Variants in TASOR observed in about 807,000 individuals in gnomAD.
TASOR encodes transcription activation suppressor, also known as protein TASOR.
In TASOR, 53 loss-of-function variants were observed where a neutral mutation model predicts 178.6. The observed-to-expected ratio is 0.30, with a 90% CI of 0.24 to 0.37. The LOEUF (loss-of-function observed/expected upper bound fraction) is 0.37, where lower values mean the gene tolerates loss of function less well. TASOR is among the 10% of genes least tolerant of loss of function. The pLI is 1.00. For missense variants in TASOR, 1,815 were observed against 1,971.4 expected, an observed-to-expected ratio of 0.92 and a Z score of 1.50; for synonymous variants, 713 against 696.2, an observed-to-expected ratio of 1.02 and a Z score of -0.38.
chr3:56,641,914 G>A (rs2077133010), intron 14 of TASOR, among the ~76,000 whole-genome samples, 162 bp from the exon 15 acceptor site: 1 of 152,176 alleles, frequency 6.6e-6, no homozygotes, highest in African/African-American at 2.4e-5. Flanking sequence ...AAAAAGAATT[G>A]TAAAATTTTG....
chr3:56,631,819 G>A (rs1053133569), intron 18 of TASOR, among the ~76,000 whole-genome samples: 4 of 151,988 alleles, frequency 2.6e-5, no homozygotes, highest in East Asian at 1.9e-4. Flanking sequence ...TCCTGAACTC[G>A]TGATCCACCC....
In TASOR at chr3:56,634,333, G is replaced by A. The variant is rs565846368; in HGVS notation, c.2825-367C>T. 2.6e-5 allele frequency among the ~76,000 whole-genome samples: 4 copies of A among 152,258 alleles called. No individual in the cohort carries two copies. In the East Asian group the frequency reaches 7.7e-4, roughly 29 times the overall value. ...AATTACATCAGCTTGCTCAATCCCT[G>A]TATTTATTATTTGCCAAGTAATATC... On this transcript the variant is annotated intron_variant, in intron 17 of 23. Coordinates refer to ENST00000683822, the MANE Select transcript of TASOR (RefSeq NM_001365635.2).
chr3:56,620,232 T>C lies in TASOR; in HGVS notation c.*2805A>G, dbSNP rs2107470670. ...AAAAATACAGTTATGCTTTAACAAA[T>C]TCTTAGCAATGTGGCCCACGCTTTT... On this transcript the variant is annotated 3_prime_UTR_variant, in exon 24 of 24. Transcript: ENST00000683822. The C allele has an allele frequency of 6.1e-6, 1 of 165,012 alleles. No homozygotes were observed. The highest frequency in any genetic ancestry group is 2.4e-5 in the African/African-American group (1 of 41,948). The allele number at this position is 165,012 out of a possible 1,614,324, so 10.2% of individuals were successfully genotyped here.
chr3:56,636,154 ACAAAAATTAGC>A (rs1304791360), intron 17 of TASOR, among the ~76,000 whole-genome samples: 1 of 151,836 alleles, frequency 6.6e-6, no homozygotes, highest in Non-Finnish European at 1.5e-5. Context: ...AAAAAAAAAT[ACAAAAATTAGC>A]CAGGCGTGGT....
intron 7 of TASOR, chr3:56,663,979 T>C (rs2077654599): frequency 5.7e-6 from 3 of 522,522 alleles, no homozygotes; most frequent in African/African-American, 4.2e-5. Flanking sequence ...AATAGGATTA[T>C]AGAGATAAAC....
intron 11 of TASOR, among the ~76,000 whole-genome samples, chr3:56,653,185 C>G (rs1259196266): frequency 6.9e-6 from 1 of 144,570 alleles, no homozygotes; most frequent in Non-Finnish European, 1.5e-5. Context: ...ACTGCTTGAA[C>G]CCGGGAGGTG....
rs1365760869 is a variant in TASOR at position 56,646,759 on chromosome 3, C to A, written c.1978G>T (p.Gly660Cys). The stretch of plus-strand genomic sequence containing the variant: ...TGCTTTCCAGATATAATGGCTTCAC[C>A]TCTTGAGTTATTTCGTTTTCCAAAT... ...MKFGKRNNSRGEAIISGKQRS... is the reference protein window; with the variant it reads ...MKFGKRNNSRCEAIISGKQRS... The change falls in exon 14 of 24, where the codon GGT (glycine) becomes TGT (cysteine). Residue 660 changes from glycine to cysteine, a missense_variant. Physicochemically the swap from Gly to Cys is radical, Grantham distance 159 (BLOSUM62 -3). Around this residue, in one of 5 missense-constraint regions of TASOR, gnomAD observed 504 missense variants for 645.3 expected, o/e 0.78. Coordinates refer to ENST00000683822, the MANE Select transcript of TASOR (RefSeq NM_001365635.2). 3 of 1,613,794 alleles carry A rather than the reference C, an allele frequency of 1.9e-6. No individual in the cohort carries two copies. In the African/African-American group the frequency reaches 4.0e-5, roughly 22 times the overall value.
intron 7 of TASOR, among the ~76,000 whole-genome samples, chr3:56,665,505 T>C (rs2077690122): frequency 6.6e-6 from 1 of 152,050 alleles, no homozygotes. Flanking sequence ...TACAGGCACG[T>C]ACCACCACAT....
intron 14 of TASOR, among the ~76,000 whole-genome samples, chr3:56,642,374 A>G (rs1250620491): frequency 6.6e-6 from 1 of 152,274 alleles, no homozygotes; most frequent in Admixed American, 6.5e-5. Flanking sequence ...TCATGCATGC[A>G]CTATAAATCT....
rs1436190171 is a variant in TASOR at position 56,621,590 on chromosome 3, A to G, written c.*1447T>C. 6.2e-7 allele frequency: 1 copy of G among 1,600,472 alleles called. No individual in the cohort carries two copies. Reference sequence around the variant, plus strand: ...AGTCTCCTGCCTTTAGCTGAAAATCAAGAAGAGAGTTTTGGTTCTTCATTT... The same window carrying G: ...AGTCTCCTGCCTTTAGCTGAAAATCGAGAAGAGAGTTTTGGTTCTTCATTT... On this transcript the variant is annotated 3_prime_UTR_variant, in exon 24 of 24. Coordinates refer to ENST00000683822, the MANE Select transcript of TASOR (RefSeq NM_001365635.2).
chr3:56,660,187 G>A (rs2077562310), intron 11 of TASOR, among the ~76,000 whole-genome samples: 1 of 151,600 alleles, frequency 6.6e-6, no homozygotes, highest in African/African-American at 2.4e-5. Flanking sequence ...TAATCACAAA[G>A]TATAATAAAG....
intron 1 of TASOR, among the ~76,000 whole-genome samples, chr3:56,681,557 G>A (rs1291094384): frequency 6.6e-6 from 1 of 152,126 alleles, no homozygotes; most frequent in Non-Finnish European, 1.5e-5. Context: ...TGGAACTGGT[G>A]ATGCTTATGG....
chr3:56,662,952 G>C (rs1418395086), intron 8 of TASOR, among the ~76,000 whole-genome samples: 1 of 152,196 alleles, frequency 6.6e-6, no homozygotes, highest in Non-Finnish European at 1.5e-5. Context: ...GCCGAGGCGG[G>C]TGGATCACTT....
At chr3:56,637,581 G>GTT (rs2077042920) in intron 17 of TASOR, among the ~76,000 whole-genome samples, 1 of 101,600 alleles carries the variant, frequency 9.8e-6, no homozygotes, top group African/African-American at 5.4e-5. Flanking sequence ...GTTGTTCATG[G>GTT]TTTCTTTTTT....
chr3:56,682,869 G>A lies in TASOR; in HGVS notation c.138C>T (p.Leu46=), dbSNP rs1578320113. The A allele has an allele frequency of 1.9e-6, 3 of 1,549,626 alleles. No individual in the cohort carries two copies. The highest frequency in any genetic ancestry group is 2.6e-6 in the Non-Finnish European group (3 of 1,146,418). The change falls in exon 1 of 24, where the codon CTC becomes CTT. Residue 46 remains leucine, a synonymous_variant. Transcript: ENST00000683822. ...SSQQNGGGGG[L]NIAEPSGGAG... ...CGCCGCCGCTGGGCTCAGCGATGTT[G>A]AGGCCGCCGCCGCCGCCATTTTGTT...
intron 5 of TASOR, 138 bp from the exon 6 acceptor site, chr3:56,668,696 G>A (rs2030325849): frequency 1.4e-6 from 1 of 690,420 alleles, no homozygotes; most frequent in Non-Finnish European, 2.3e-6. Flanking sequence ...CAGAACAGCT[G>A]GGCGCGGTGA....
intron 23 of TASOR, 95 bp downstream of exon 23, chr3:56,624,384 T>C: frequency 7.9e-7 from 1 of 1,261,694 alleles, no homozygotes; most frequent in Non-Finnish European, 1.1e-6. Context: ...CTGAGGTACG[T>C]GGTTTCAAAA....
intron 6 of TASOR, among the ~76,000 whole-genome samples, chr3:56,666,810 A>G (rs905819272): frequency 2.0e-5 from 3 of 152,232 alleles, no homozygotes; most frequent in Non-Finnish European, 4.4e-5. Context: ...AATTGCAAAC[A>G]AAGTAGCAAA....
In TASOR at chr3:56,633,698, C is replaced by T. The variant is rs945760527; in HGVS notation, c.3093G>A (p.Lys1031=). 9.9e-6 allele frequency: 16 copies of T among 1,614,154 alleles called. No homozygotes were observed. Among genetic ancestry groups the T allele is most frequent in the Non-Finnish European group, 1.3e-5 (15 of 1,180,032 alleles). ...VLGEYNLFSR[K]IEEILKQKNV... The stretch of plus-strand genomic sequence containing the variant: ...TCTTTTGCTTCAAAATCTCTTCTAT[C>T]TTCCTAGAAAAGAGATTGTACTCTC... The change falls in exon 18 of 24, where the codon AAG becomes AAA. Residue 1031 remains lysine (K), a synonymous_variant. Coordinates refer to ENST00000683822, the MANE Select transcript of TASOR (RefSeq NM_001365635.2).
Sources: gnomAD v4.1 joint callset for allele counts (sites outside exome capture counted in the v4.1 genomes callset) on GRCh38, gnomAD v4.1.1 for gene constraint, gnomAD v4.1.1 regional missense constraint, MANE v1.5 for transcripts, NCBI Gene and HGNC (gene_info 2026-07-23, HGNC 2026-07-21) for gene names.